FGL1: variants seen among roughly 807,000 people sequenced by gnomAD.
The protein encoded by FGL1 is fibrinogen like 1, also known as fibrinogen-like protein 1.
In FGL1, 59 loss-of-function variants were observed where a neutral mutation model predicts 43.7. The observed-to-expected ratio is 1.35, with a 90% CI of 1.10 to 1.68. The LOEUF (loss-of-function observed/expected upper bound fraction) is 1.68, where lower values mean the gene tolerates loss of function less well. Among genes scored for constraint, FGL1 ranks in the 40% most tolerant of loss-of-function variants. The pLI, the probability that FGL1 is intolerant of heterozygous loss-of-function variation, is 0.00. For synonymous variants in FGL1, 192 were observed against 126.5 expected (o/e 1.52, Z -3.48); for missense variants, 596 against 373.0 (o/e 1.60, Z -4.92).
At position 17,882,165 on chromosome 8, in the gene FGL1, A is replaced by C; in HGVS notation, c.78T>G (p.Cys26Trp). The change falls in exon 3 of 8, where the codon TGT (cysteine) becomes TGG (tryptophan). Residue 26 changes from cysteine to tryptophan, a missense_variant. Coordinates refer to ENST00000427924, the MANE Select transcript of FGL1 (RefSeq NM_004467.4). ...MGREISALEDCAQEQMRLRAQ... is the reference protein window; with the variant it reads ...MGREISALEDWAQEQMRLRAQ... ...CTCTGAGCCGCATCTGCTCCTGGGC[A>C]CAGTCCTCGAGCGCCTGCAAAACAG... 6.2e-7 allele frequency: 1 copy of C among 1,613,604 alleles called. No individual in the cohort carries two copies. Among genetic ancestry groups the C allele is most frequent in the Admixed American group, 1.7e-5 (1 of 59,996 alleles).
chr8:17,881,593 G>A (rs1439926562), intron 3 of FGL1, among the ~76,000 whole-genome samples: 16 of 151,628 alleles, frequency 1.1e-4, no homozygotes, highest in Non-Finnish European at 1.5e-4. Flanking sequence ...CAGCACTTTG[G>A]GAGGCCGAGG....
intron 5 of FGL1, among the ~76,000 whole-genome samples, chr8:17,872,843 T>C (rs1199343201): frequency 6.6e-6 from 1 of 152,176 alleles, no homozygotes; most frequent in Non-Finnish European, 1.5e-5. Flanking sequence ...AATTTAAAAG[T>C]ATATAGGGAG....
intron 2 of FGL1, among the ~76,000 whole-genome samples, chr8:17,883,817 CTCTTCCCTTACGTTTCCTT>C (rs2053587301): frequency 7.2e-6 from 1 of 139,268 alleles, no homozygotes; most frequent in South Asian, 2.3e-4. Flanking sequence ...CTTTCCCTTC[CTCTTCCCTTACGTTTCCTT>C]TCTCAGAACC....
rs1248556020 is a variant in FGL1 at position 17,864,660 on chromosome 8, A to C, written c.871T>G (p.Trp291Gly). The C allele has an allele frequency of 3.1e-6, 5 of 1,613,468 alleles. No individual in the cohort carries two copies. The highest frequency in any genetic ancestry group is 4.2e-6 in the Non-Finnish European group (5 of 1,179,852). Residue 291 changes from tryptophan to glycine, a missense_variant, in exon 8 of 8, where the codon TGG (tryptophan) becomes GGG (glycine). By Grantham distance (184) the Trp-to-Gly change is radical. Transcript: ENST00000427924. ...NGIVWYTWHG[W>G]WYSLKSVVMK... The stretch of plus-strand genomic sequence containing the variant: ...ACCACAGATTTCAGAGAATACCACC[A>C]CCCATGCCAGGTGTACCAGACAATC...
chr8:17,867,739 A>G (rs1019311065), intron 7 of FGL1, among the ~76,000 whole-genome samples: 3 of 152,204 alleles, frequency 2.0e-5, no homozygotes, highest in Non-Finnish European at 4.4e-5. Context: ...GGGCAGAAAG[A>G]ATCCAATGGT....
intron 5 of FGL1, among the ~76,000 whole-genome samples, chr8:17,870,986 T>A (rs912895186): frequency 7.3e-6 from 1 of 137,052 alleles, no homozygotes; most frequent in Admixed American, 7.2e-5. Flanking sequence ...AGGAGTCCTA[T>A]AAACAAACTC....
chr8:17,893,774 C>T (rs2053739811), intron 1 of FGL1, among the ~76,000 whole-genome samples: 1 of 147,140 alleles, frequency 6.8e-6, no homozygotes, highest in Admixed American at 6.7e-5. Context: ...AAATGCTAAG[C>T]ATTAAGAAAC....
At chr8:17,895,183 C>T (rs547172299) in intron 1 of FGL1, 2 of 549,330 alleles carry the variant, frequency 3.6e-6, no homozygotes, top group Non-Finnish European at 4.7e-6. Flanking sequence ...ATCTTAAGTT[C>T]TCTAAAATTT....
At chr8:17,874,187 C>T in intron 4 of FGL1, 71 bp from the exon 5 acceptor site, 1 of 1,368,448 alleles carries the variant, frequency 7.3e-7, no homozygotes, top group Non-Finnish European at 1.0e-6. Context: ...ACCACCCACC[C>T]CCTGCTACCA....
chr8:17,866,664 A>G (rs764566749), intron 7 of FGL1, among the ~76,000 whole-genome samples: 2 of 152,212 alleles, frequency 1.3e-5, no homozygotes, highest in African/African-American at 4.8e-5. Flanking sequence ...CTTTAAAGTC[A>G]GGTAAATCGT....
chr8:17,885,904 C>G lies in FGL1; in HGVS notation c.-17-333G>C, dbSNP rs35611229. 2.5e-3 allele frequency: 464 copies of G among 183,508 alleles called. 3 individuals carry two copies. Among genetic ancestry groups the G allele is most frequent in the African/African-American group, 9.9e-3 (421 of 42,398 alleles). The allele number at this position is 183,508 out of a possible 1,614,324, so 11.4% of individuals were successfully genotyped here. A position where few individuals can be genotyped will look rare whatever the true frequency, so the allele number is the denominator to read the frequency against. ...TTACACATCAAGGAAGTGGCGTAGT[C>G]AAAATCTGCACGCTGGTCTCTGCTT... is the stretch of plus-strand genomic sequence containing the variant. On this transcript the variant is annotated intron_variant, in intron 1 of 7. Coordinates refer to ENST00000427924, the MANE Select transcript of FGL1 (RefSeq NM_004467.4).
At chr8:17,869,485 G>C (rs2517290) in intron 5 of FGL1, among the ~76,000 whole-genome samples, 21,048 of 152,126 alleles carry the variant, frequency 0.14, 1,862 homozygotes, top group African/African-American at 0.25. Flanking sequence ...GCATATGCCT[G>C]AACTTGGTTA....
rs764816351 is a variant in FGL1, at chr8:17,873,907, G to A, written c.502+112C>T. 5 of 631,422 alleles carry A rather than the reference G, an allele frequency of 7.9e-6. No homozygotes were observed. In the East Asian group the frequency reaches 1.7e-4, roughly 21 times the overall value. The allele number at this position is 631,422 out of a possible 1,614,324, so 39.1% of individuals were successfully genotyped here. Reference sequence around the variant, plus strand: ...TGCCCAAAAGTTATCACTGCCATCTGCAAATCATAGCAATTATTGAATTAG... The same window carrying A: ...TGCCCAAAAGTTATCACTGCCATCTACAAATCATAGCAATTATTGAATTAG... On this transcript the variant is annotated intron_variant, in intron 5 of 7. Coordinates refer to ENST00000427924, the MANE Select transcript of FGL1 (RefSeq NM_004467.4).
At chr8:17,878,016 T>C (rs972683428) in intron 3 of FGL1, among the ~76,000 whole-genome samples, 2 of 152,296 alleles carry the variant, frequency 1.3e-5, no homozygotes, top group East Asian at 3.9e-4. Context: ...AGGCAGGTTG[T>C]AGTGCAGTGG....
Position 17,874,460 on chromosome 8 carries a change from G to C in FGL1, c.306C>G (p.Leu102=). 4 of 1,614,026 alleles carry C rather than the reference G, an allele frequency of 2.5e-6. No homozygotes were observed. Among genetic ancestry groups the C allele is most frequent in the Non-Finnish European group, 3.4e-6 (4 of 1,179,936 alleles). ...AAACAGAAAATTCTGCTGGGCTCTG[G>C]AGAGGTTTGATTTTGTAAAATCCAC... ...KLSGFYKIKP[L]QSPAEFSVYC... is the part of the protein sequence containing the mutation. The change falls in exon 4 of 8, where the codon CTC becomes CTG. Residue 102 remains leucine (L), a synonymous_variant. Coordinates refer to ENST00000427924, the MANE Select transcript of FGL1 (RefSeq NM_004467.4).
rs748134722 is a variant in FGL1, at chr8:17,864,659, C to T, written c.872G>A (p.Trp291Ter). ...NGIVWYTWHG[W>*]WYSLKSVVMK... ...AACCACAGATTTCAGAGAATACCAC[C>T]ACCCATGCCAGGTGTACCAGACAAT... is the stretch of plus-strand genomic sequence containing the variant. The change falls in exon 8 of 8, where the codon TGG (tryptophan) becomes TAG (stop). Residue 291 changes from tryptophan (W) to a stop codon, truncating the protein, a stop_gained. Coordinates refer to ENST00000427924, the MANE Select transcript of FGL1 (RefSeq NM_004467.4). LOFTEE classifies it high-confidence loss of function. 5 of 1,613,726 alleles carry T rather than the reference C, an allele frequency of 3.1e-6. No homozygotes were observed. The highest frequency in any genetic ancestry group is 4.2e-6 in the Non-Finnish European group (5 of 1,179,898).
In FGL1 at chr8:17,895,478, C is replaced by T. The variant is rs547106205; in HGVS notation, c.-49G>A. On this transcript the variant is annotated 5_prime_UTR_variant, in exon 1 of 8. Transcript: ENST00000427924. ...TCAGAAGTGAGTCAGAGACCCAGCT[C>T]AGGTTCCATCCAGACACTCTGCTTC... 134 of 1,284,116 alleles carry T rather than the reference C, an allele frequency of 1.0e-4. No homozygotes were observed. In the African/African-American group the frequency reaches 1.7e-3, roughly 17 times the overall value. The allele number at this position is 1,284,116 out of a possible 1,614,324, so 79.5% of individuals were successfully genotyped here.
At chr8:17,871,505 A>AC (rs1240123294) in intron 5 of FGL1, among the ~76,000 whole-genome samples, 20 of 151,040 alleles carry the variant, frequency 1.3e-4, no homozygotes, top group African/African-American at 4.8e-4. Context: ...AAAAAAAACA[A>AC]AAAAAAAAAA....
intron 1 of FGL1, among the ~76,000 whole-genome samples, chr8:17,887,729 G>T (rs777759883): frequency 1.1e-4 from 16 of 152,016 alleles, no homozygotes; most frequent in Non-Finnish European, 1.9e-4. Context: ...CAGCAAATTG[G>T]GAGGCTGAGG....
Sources: gnomAD v4.1 joint callset for allele counts (sites outside exome capture counted in the v4.1 genomes callset) on GRCh38, gnomAD v4.1.1 for gene constraint, MANE v1.5 for transcripts, NCBI Gene and HGNC (gene_info 2026-07-23, HGNC 2026-07-21) for gene names.